The following TNNI3K variants were observed in gnomAD, a reference collection of about 807,000 sequenced individuals.
TNNI3K encodes serine/threonine-protein kinase TNNI3K.
A neutral mutation model predicts 114.5 loss-of-function variants in TNNI3K; 140 were observed. The observed-to-expected ratio is 1.22, with a 90% CI of 1.07 to 1.41. The LOEUF (loss-of-function observed/expected upper bound fraction) is 1.41. Ranked by LOEUF, TNNI3K falls within the 40% of genes most tolerant of loss-of-function variation. The pLI, the probability that TNNI3K is intolerant of heterozygous loss-of-function variation, is 0.00. For missense variants in TNNI3K, 1,125 were observed against 1,007.6 expected, an observed-to-expected ratio of 1.12 and a Z score of -1.58; for synonymous variants, 347 against 347.5, an observed-to-expected ratio of 1.00 and a Z score of 0.02.
chr1:74,426,899 C>CTCTTT (rs1418220515), intron 17 of TNNI3K, among the ~76,000 whole-genome samples: 2 of 151,978 alleles, frequency 1.3e-5, no homozygotes, highest in East Asian at 3.9e-4. Flanking sequence ...TGCTTAGATC[C>CTCTTT]TCAGTTCAGG....
intron 1 of TNNI3K, 114 bp downstream of exon 1, chr1:74,235,605 C>A: frequency 1.7e-6 from 1 of 582,868 alleles, no homozygotes; most frequent in Non-Finnish European, 3.0e-6. Flanking sequence ...GATAAGGCAG[C>A]ATGTTTTGTG....
At chr1:74,259,111 A>G (rs550352391) in intron 4 of TNNI3K, among the ~76,000 whole-genome samples, 3 of 152,256 alleles carry the variant, frequency 2.0e-5, no homozygotes, top group Admixed American at 6.5e-5. Flanking sequence ...AATTTAACCA[A>G]TAGGATTAAT....
At chr1:74,461,249 G>C (rs1260037417) in intron 20 of TNNI3K, among the ~76,000 whole-genome samples, 1 of 152,164 alleles carries the variant, frequency 6.6e-6, no homozygotes, top group Non-Finnish European at 1.5e-5. Flanking sequence ...GGGAGGCCAA[G>C]GCAGGAGGAT....
At chr1:74,319,682 C>T (rs1047657871) in intron 5 of TNNI3K, among the ~76,000 whole-genome samples, 4 of 152,150 alleles carry the variant, frequency 2.6e-5, no homozygotes, top group African/African-American at 7.2e-5. Context: ...CAACTCTTTT[C>T]TGTGGAACAA....
At chr1:74,368,943 A>AAT (rs1662434257) in intron 13 of TNNI3K, 79 bp from the exon 14 acceptor site, 4 of 1,117,560 alleles carry the variant, frequency 3.6e-6, no homozygotes, top group South Asian at 2.0e-5. Context: ...TTTTTAGTTA[A>AAT]ATATATATAT....
In TNNI3K at chr1:74,502,330, G is replaced by A. The variant is rs188318491; in HGVS notation, c.2351+10064G>A. ...TATTTGTGATGTACATGAACATAATGACTTCCCACAAACATGATGCCATTG... is the reference window on the plus strand; with the variant it reads ...TATTTGTGATGTACATGAACATAATAACTTCCCACAAACATGATGCCATTG... On this transcript the variant is annotated intron_variant, in intron 23 of 24. Transcript: ENST00000326637. Among the ~76,000 whole-genome samples the A allele has an allele frequency of 1.9e-4, 29 of 152,270 alleles. 1 individual carries two copies. Among genetic ancestry groups the A allele is most frequent in the Admixed American group, 1.8e-3 (27 of 15,292 alleles).
intron 5 of TNNI3K, among the ~76,000 whole-genome samples, chr1:74,319,731 G>A (rs1659507334): frequency 6.6e-6 from 1 of 152,192 alleles, no homozygotes; most frequent in Admixed American, 6.5e-5. Flanking sequence ...TAAGGTTCCA[G>A]TGGTACCTTG....
At chr1:74,381,330 C>A (rs972076947) in intron 17 of TNNI3K, among the ~76,000 whole-genome samples, 2 of 152,158 alleles carry the variant, frequency 1.3e-5, no homozygotes, top group South Asian at 4.1e-4. Flanking sequence ...ATTTCCAAGA[C>A]GGTTATATTT....
chr1:74,475,484 T>C (rs372763503), intron 21 of TNNI3K: 27 of 716,936 alleles, frequency 3.8e-5, no homozygotes, highest in South Asian at 2.5e-4. Flanking sequence ...AATAAAGTGC[T>C]GCCTACCCCA....
intron 17 of TNNI3K, among the ~76,000 whole-genome samples, chr1:74,386,830 A>G (rs1663504879): frequency 6.6e-6 from 1 of 152,206 alleles, no homozygotes; most frequent in South Asian, 2.1e-4. Flanking sequence ...TTTGTGATAA[A>G]TTAAATCATC....
rs376217061 is a variant in TNNI3K, at chr1:74,521,251, G to A, written c.2352-18983G>A. ...TGTGGCACTGCCATTTTCTCTGTGC[G>A]ATCTTGCCCAAGCTCATTAACTTCT... On this transcript the variant is annotated intron_variant, in intron 23 of 24. Coordinates refer to ENST00000326637, the MANE Select transcript of TNNI3K (RefSeq NM_015978.3). 1.7e-3 allele frequency among the ~76,000 whole-genome samples: 259 copies of A among 152,254 alleles called. 9 individuals carry two copies. In the South Asian group the frequency reaches 0.051, roughly 30 times the overall value.
rs113010904 is a variant in TNNI3K at position 74,344,879 on chromosome 1, C to T, written c.932+1700C>T. Among the ~76,000 whole-genome samples the T allele has an allele frequency of 1.5e-3, 221 of 152,170 alleles. 2 individuals carry two copies. Among genetic ancestry groups the T allele is most frequent in the African/African-American group, 5.0e-3 (209 of 41,528 alleles). On this transcript the variant is annotated intron_variant, in intron 9 of 24. Transcript: ENST00000326637. The stretch of plus-strand genomic sequence containing the variant: ...ATATTTATAAAAGAAACTCCTTTTA[C>T]GTGAGGAATTCACTCTGAATATGAA...
chr1:74,327,926 A>C (rs1659998116), intron 5 of TNNI3K, among the ~76,000 whole-genome samples: 1 of 151,402 alleles, frequency 6.6e-6, no homozygotes, highest in South Asian at 2.1e-4. Flanking sequence ...ATAGTCTCAC[A>C]AAAAAATTCA....
rs539522780 is a variant in TNNI3K at position 74,332,679 on chromosome 1, T to C, written c.543+1131T>C. Among the ~76,000 whole-genome samples, 16 of 152,160 alleles carry C rather than the reference T, an allele frequency of 1.1e-4. No individual in the cohort carries two copies. The East Asian group carries it at 3.1e-3, about 29-fold the overall frequency. Reference sequence around the variant, plus strand: ...TGCCAGAGTCATGCGCTATTAATAATAAATAGAAGAGCTGGAATATGTACT... The same window carrying C: ...TGCCAGAGTCATGCGCTATTAATAACAAATAGAAGAGCTGGAATATGTACT... On this transcript the variant is annotated intron_variant, in intron 6 of 24. Transcript: ENST00000326637.
chr1:74,429,972 G>A (rs1191458858), intron 17 of TNNI3K, among the ~76,000 whole-genome samples: 1 of 152,070 alleles, frequency 6.6e-6, no homozygotes, highest in East Asian at 1.9e-4. Context: ...ACGCTGAGAG[G>A]TTGGCCGTGG....
chr1:74,354,222 T>C (rs1372643909), intron 11 of TNNI3K, 93 bp downstream of exon 11: 2 of 1,552,026 alleles, frequency 1.3e-6, no homozygotes, highest in Admixed American at 1.8e-5. Context: ...CTTGCATGAC[T>C]TGAACACTCT....
At chr1:74,414,957 A>T (rs1001411665) in intron 17 of TNNI3K, among the ~76,000 whole-genome samples, 1 of 152,146 alleles carries the variant, frequency 6.6e-6, no homozygotes, top group African/African-American at 2.4e-5. Context: ...TACACTCAAA[A>T]CCTTCTAATG....
intron 4 of TNNI3K, among the ~76,000 whole-genome samples, chr1:74,263,490 G>A (rs45578538): frequency 3.3e-5 from 5 of 152,094 alleles, no homozygotes; most frequent in Non-Finnish European, 5.9e-5. Flanking sequence ...TGGTAACTGG[G>A]GGGAAGAAAA....
intron 23 of TNNI3K, among the ~76,000 whole-genome samples, chr1:74,530,725 T>G (rs927431786): frequency 3.0e-5 from 1 of 33,340 alleles, no homozygotes; most frequent in African/African-American, 2.7e-4. Context: ...CTCAAAAAGT[T>G]TTTTTTTTTT....
Sources: allele counts gnomAD v4.1 joint callset (sites outside exome capture counted in the v4.1 genomes callset), GRCh38; gene constraint gnomAD v4.1.1; transcripts MANE v1.5; gene names NCBI Gene and HGNC (gene_info 2026-07-23, HGNC 2026-07-21).